The following NOS2 variants were observed in gnomAD, a reference collection of about 807,000 sequenced individuals.
NOS2 encodes nitric oxide synthase, inducible.
Under a neutral mutation model 136.0 loss-of-function variants are expected in NOS2, and 96 were observed. The observed-to-expected ratio is 0.71, with a 90% CI of 0.60 to 0.84. The LOEUF (loss-of-function observed/expected upper bound fraction) is 0.84. Ranked by LOEUF, NOS2 falls within the 40% of genes least tolerant of loss-of-function variation. The pLI, the probability that NOS2 is intolerant of heterozygous loss-of-function variation, is 0.00. For synonymous variants in NOS2, 539 were observed against 587.5 expected (o/e 0.92, Z 1.20); for missense variants, 1,237 against 1,496.9 (o/e 0.83, Z 2.87).
chr17:27,768,510 G>A (rs762599509), intron 17 of NOS2, among the ~76,000 whole-genome samples: 43 of 152,282 alleles, frequency 2.8e-4, no homozygotes, highest in African/African-American at 1.0e-3. Context: ...AAGCACCACC[G>A]CTGAGTGACG....
intron 21 of NOS2, 55 bp downstream of exon 21, chr17:27,763,926 C>G (rs1908214006): frequency 1.1e-5 from 16 of 1,444,596 alleles, no homozygotes; most frequent in Non-Finnish European, 1.5e-5. Flanking sequence ...ACTCTGGCTC[C>G]CCACATGCTG....
chr17:27,794,571 G>C (rs1186074753), intron 2 of NOS2, among the ~76,000 whole-genome samples: 1 of 152,190 alleles, frequency 6.6e-6, no homozygotes, highest in African/African-American at 2.4e-5. Flanking sequence ...CAGAATGAAA[G>C]AGGGCACATA....
In NOS2 at chr17:27,768,991, C is replaced by T. The variant is rs748231446; in HGVS notation, c.2020G>A (p.Val674Met). 1.6e-5 allele frequency: 26 copies of T among 1,605,624 alleles called. No individual in the cohort carries two copies. Among genetic ancestry groups the T allele is most frequent in the South Asian group, 1.1e-4 (10 of 89,840 alleles). ...GQEDAFRSWA[V>M]QTFKAACETF... ...TGGGAACTGACCTTGAAGGTTTGCA[C>T]GGCCCAGCTGCGGAAGGCGTCCTCC... The change falls in exon 17 of 27, where the codon GTG becomes ATG. Residue 674 changes from valine to methionine, a missense_variant. Physicochemically the swap from Val to Met is conservative, Grantham distance 21 (BLOSUM62 1). This residue lies in a region of NOS2 where 782 missense variants were observed against 909.9 expected (regional missense o/e 0.86). Coordinates refer to ENST00000313735, the MANE Select transcript of NOS2 (RefSeq NM_000625.4).
At chr17:27,769,432 C>A in intron 16 of NOS2, 103 bp downstream of exon 16, 1 of 998,290 alleles carries the variant, frequency 1.0e-6, no homozygotes, top group Non-Finnish European at 1.6e-6. Flanking sequence ...TGTGCCTGCA[C>A]GGTTCTGAGA....
chr17:27,786,264 TAA>T (rs67088217), intron 5 of NOS2, among the ~76,000 whole-genome samples: 2 of 143,244 alleles, frequency 1.4e-5, no homozygotes, highest in African/African-American at 2.6e-5. Flanking sequence ...CAACTAAAAA[TAA>T]AAAAAAAAAA....
At chr17:27,774,109 G>T in intron 12 of NOS2, 148 bp downstream of exon 12, 1 of 501,656 alleles carries the variant, frequency 2.0e-6, no homozygotes, top group Non-Finnish European at 3.2e-6. Context: ...AGGCTGCTCA[G>T]CATCCTTGAG....
chr17:27,762,830 A>G lies in NOS2; in HGVS notation c.2768T>C (p.Leu923Pro), dbSNP rs772914524. The G allele has an allele frequency of 6.4e-7, 1 of 1,558,812 alleles. No homozygotes were observed. The highest frequency in any genetic ancestry group is 8.7e-7 in the Non-Finnish European group (1 of 1,151,988). ...SRDHTPTEIH[L>P]TVAVVTYHTR... ...GTGGTAGGTGACCACGGCCACAGTCAGGTGGATCTCTGTGGGCGTGTGATC... is the reference window on the plus strand; with the variant it reads ...GTGGTAGGTGACCACGGCCACAGTCGGGTGGATCTCTGTGGGCGTGTGATC... Residue 923 changes from leucine to proline, a missense_variant, in exon 22 of 27, where the codon CTG becomes CCG. Leu to Pro is a moderately conservative substitution (Grantham distance 98). Transcript: ENST00000313735.
intron 9 of NOS2, among the ~76,000 whole-genome samples, chr17:27,779,999 T>C (rs1029947860): frequency 6.6e-6 from 1 of 152,210 alleles, no homozygotes; most frequent in Non-Finnish European, 1.5e-5. Context: ...AAGGAACTTG[T>C]AGTCTAATGT....
At chr17:27,796,829 G>A (rs1433620118) in intron 2 of NOS2, among the ~76,000 whole-genome samples, 1 of 152,172 alleles carries the variant, frequency 6.6e-6, no homozygotes, top group Non-Finnish European at 1.5e-5. Context: ...ACAGCCCTTA[G>A]AATCTGGACA....
At chr17:27,773,659 GTAGATGGAGGAAGCTCTTCCTT>G (rs1908570769) in intron 12 of NOS2, among the ~76,000 whole-genome samples, 1 of 152,178 alleles carries the variant, frequency 6.6e-6, no homozygotes. Context: ...GTGAGGTCCT[GTAGATGGAGGAAGCTCTTCCTT>G]TAGATGAAGG....
chr17:27,760,120 G>A lies in NOS2; in HGVS notation c.3069C>T (p.His1023=). The A allele has an allele frequency of 6.2e-7, 1 of 1,607,324 alleles. No homozygotes were observed. The change falls in exon 25 of 27, where the codon CAC becomes CAT. Residue 1023 remains histidine (H), a synonymous_variant. Coordinates refer to ENST00000313735, the MANE Select transcript of NOS2 (RefSeq NM_000625.4). ...TCTCCAGCATCTCCTCCTGGTAGATGTGGTCCTCATCTGGGCGGCGGCACC... is the reference window on the plus strand; with the variant it reads ...TCTCCAGCATCTCCTCCTGGTAGATATGGTCCTCATCTGGGCGGCGGCACC... ...VFGCRRPDED[H]IYQEEMLEMA...
chr17:27,799,156 C>A (rs1445418706), intron 1 of NOS2, among the ~76,000 whole-genome samples: 2 of 152,194 alleles, frequency 1.3e-5, no homozygotes, highest in African/African-American at 4.8e-5. Flanking sequence ...GCACCATGAG[C>A]CTCCTTAGCG....
Position 27,788,820 on chromosome 17 carries a change from T to C in NOS2, c.307A>G (p.Lys103Glu), listed in dbSNP as rs1156240046. Residue 103 changes from lysine to glutamate, a missense_variant, in exon 4 of 27, where the codon AAG (lysine) becomes GAG (glutamate). Lys to Glu is a moderately conservative substitution (Grantham distance 56, BLOSUM62 1). Transcript: ENST00000313735. ...AGCCCCAGACTTACCCCTTTGGCCT[T>C]ATGGTGAAGTGTGTCTTGGAAAGTC... ...GMTFQDTLHH[K>E]AKGILTCRSK... 6.2e-7 allele frequency: 1 copy of C among 1,613,790 alleles called. No individual in the cohort carries two copies. Among genetic ancestry groups the C allele is most frequent in the Non-Finnish European group, 8.5e-7 (1 of 1,179,900 alleles).
intron 12 of NOS2, 81 bp from the exon 13 acceptor site, chr17:27,773,324 C>G: frequency 1.1e-6 from 1 of 904,812 alleles, no homozygotes; most frequent in Non-Finnish European, 1.8e-6. Flanking sequence ...GGTAGAGGAC[C>G]CTTCACACCC....
In NOS2 at chr17:27,787,807, T is replaced by G. The variant is rs981209404; in HGVS notation, c.338A>C (p.Lys113Thr). 1.9e-6 allele frequency: 3 copies of G among 1,611,734 alleles called. No individual in the cohort carries two copies. The highest frequency in any genetic ancestry group is 8.5e-7 in the Non-Finnish European group (1 of 1,178,954). The change falls in exon 5 of 27, where the codon AAA (lysine) becomes ACA (threonine). Residue 113 changes from lysine (K) to threonine (T), a missense_variant. This residue lies in a region of NOS2 where 440 missense variants were observed against 545.4 expected (regional missense o/e 0.81). Coordinates refer to ENST00000313735, the MANE Select transcript of NOS2 (RefSeq NM_000625.4). ...AGTCATAATGGACCCCAGGCAAGAT[T>G]TGGACCTGCAAGTTAAAATCTGGAA... ...KAKGILTCRS[K>T]SCLGSIMTPK...
intron 26 of NOS2, 111 bp from the exon 27 acceptor site, chr17:27,757,464 T>C (rs1193940574): frequency 7.2e-6 from 6 of 833,984 alleles, no homozygotes; most frequent in Non-Finnish European, 1.2e-5. Context: ...TCTTCCCAAC[T>C]GTTATACTTA....
chr17:27,758,074 G>A (rs1032483919), intron 26 of NOS2, among the ~76,000 whole-genome samples: 8 of 152,182 alleles, frequency 5.3e-5, no homozygotes. Flanking sequence ...TTTCTCTGAA[G>A]CACTACACCT....
At position 27,788,192 on chromosome 17, in the gene NOS2, G is replaced by A. The variant is rs941960418; in HGVS notation, c.319-366C>T. On this transcript the variant is annotated intron_variant, in intron 4 of 26. Coordinates refer to ENST00000313735, the MANE Select transcript of NOS2 (RefSeq NM_000625.4). ...TGAAATGAGACATAGGAAGGCACAC[G>A]CGTGCACACACACACACACACACAC... is the stretch of plus-strand genomic sequence containing the variant. Among the ~76,000 whole-genome samples, 36 of 75,082 alleles carry A rather than the reference G, an allele frequency of 4.8e-4. No individual in the cohort carries two copies. The East Asian group carries it at 9.5e-3, about 20-fold the overall frequency. The allele number at this position is 75,082 out of a possible 152,430, so 49.3% of individuals were successfully genotyped here.
intron 5 of NOS2, among the ~76,000 whole-genome samples, chr17:27,783,589 G>A (rs753418532): frequency 5.3e-5 from 8 of 152,158 alleles, no homozygotes; most frequent in African/African-American, 1.4e-4. Context: ...CAGTCCCTCC[G>A]TGGCAGCTCC....
Sources: allele counts gnomAD v4.1 joint callset (sites outside exome capture counted in the v4.1 genomes callset), GRCh38; gene constraint gnomAD v4.1.1; regional missense constraint gnomAD v4.1.1; transcripts MANE v1.5; gene names NCBI Gene and HGNC (gene_info 2026-07-23, HGNC 2026-07-21).